Variants in AMOTL1 observed in about 807,000 individuals in gnomAD.
AMOTL1 encodes angiomotin-like protein 1.
AMOTL1 carries 45 observed loss-of-function variants against 102.9 expected under a neutral mutation model. The ratio of observed to expected loss-of-function variants is 0.44; its 90% CI spans 0.34 to 0.56. AMOTL1 has a LOEUF of 0.56. Ranked by LOEUF, AMOTL1 falls within the 20% of genes least tolerant of loss-of-function variation. The pLI, the probability that AMOTL1 is intolerant of heterozygous loss-of-function variation, is 0.01. For missense variants in AMOTL1, 1,114 were observed against 1,225.6 expected (o/e 0.91, Z 1.36); for synonymous variants, 481 against 484.7 (o/e 0.99, Z 0.10).
At chr11:94,826,522 G>A (rs1951966425) in intron 4 of AMOTL1, among the ~76,000 whole-genome samples, 2 of 152,096 alleles carry the variant, frequency 1.3e-5, no homozygotes, top group African/African-American at 2.4e-5. Context: ...TTTACGCTGT[G>A]TCACAACATG....
intron 1 of AMOTL1, among the ~76,000 whole-genome samples, chr11:94,718,060 T>C (rs1156717181): frequency 6.6e-6 from 1 of 152,012 alleles, no homozygotes; most frequent in Non-Finnish European, 1.5e-5. Flanking sequence ...CTATGCTTCA[T>C]ACTCTCAAGC....
At chr11:94,745,516 C>T (rs1035800583) in intron 3 of AMOTL1, among the ~76,000 whole-genome samples, 1 of 152,080 alleles carries the variant, frequency 6.6e-6, no homozygotes, top group African/African-American at 2.4e-5. Flanking sequence ...GTGCTGAGAA[C>T]CAGGGATGAA....
chr11:94,781,945 G>A (rs1301900347), intron 1 of AMOTL1, among the ~76,000 whole-genome samples: 1 of 152,116 alleles, frequency 6.6e-6, no homozygotes, highest in African/African-American at 2.4e-5. Flanking sequence ...CAGATACTCA[G>A]AATAACAAAA....
chr11:94,721,139 C>A (rs186177937), intron 1 of AMOTL1, among the ~76,000 whole-genome samples: 1 of 152,136 alleles, frequency 6.6e-6, no homozygotes, highest in African/African-American at 2.4e-5. Flanking sequence ...GAATAAAATT[C>A]ATTTTCCTTT....
intron 1 of AMOTL1, among the ~76,000 whole-genome samples, chr11:94,792,038 G>A (rs1412279430): frequency 6.6e-6 from 1 of 152,204 alleles, no homozygotes; most frequent in African/African-American, 2.4e-5. Flanking sequence ...TGTCTTTCAA[G>A]TGAGAAAGCT....
intron 1 of AMOTL1, among the ~76,000 whole-genome samples, chr11:94,710,252 C>T (rs1288197065): frequency 6.6e-6 from 1 of 152,124 alleles, no homozygotes; most frequent in African/African-American, 2.4e-5. Flanking sequence ...GTGGAAAGCA[C>T]CTGAAGCCAT....
intron 1 of AMOTL1, among the ~76,000 whole-genome samples, chr11:94,773,343 T>C (rs971566677): frequency 6.6e-6 from 1 of 152,252 alleles, no homozygotes; most frequent in African/African-American, 2.4e-5. Flanking sequence ...AAAAGTTTTA[T>C]AGTTTTACAT....
chr11:94,729,437 T>C lies in AMOTL1; in HGVS notation c.85+382T>C, dbSNP rs529021499. On this transcript the variant is annotated intron_variant, in intron 2 of 4. Coordinates refer to the AMOTL1 transcript ENST00000299004. Reference sequence around the variant, plus strand: ...ACTCTGTTCCTGTTTTGCTCATTTCTCCTCTCAGCAGCCTGTAAACATTCA... The same window carrying C: ...ACTCTGTTCCTGTTTTGCTCATTTCCCCTCTCAGCAGCCTGTAAACATTCA... Among the ~76,000 whole-genome samples the C allele has an allele frequency of 2.6e-5, 4 of 152,338 alleles. No homozygotes were observed. In the East Asian group the frequency reaches 5.8e-4, roughly 22 times the overall value.
intron 2 of AMOTL1, among the ~76,000 whole-genome samples, chr11:94,736,398 C>G (rs1045566153): frequency 2.6e-5 from 4 of 152,148 alleles, no homozygotes; most frequent in South Asian, 4.1e-4. Flanking sequence ...ATTACAGGCA[C>G]CTGCCTCCAC....
chr11:94,707,124 C>A (rs1051433523), intron 1 of AMOTL1, among the ~76,000 whole-genome samples: 1 of 152,050 alleles, frequency 6.6e-6, no homozygotes, highest in Non-Finnish European at 1.5e-5. Context: ...CTTGTTCAAA[C>A]AATGGCTGTG....
intron 3 of AMOTL1, among the ~76,000 whole-genome samples, chr11:94,755,298 T>G (rs1950708163): frequency 6.6e-6 from 1 of 152,274 alleles, no homozygotes; most frequent in African/African-American, 2.4e-5. Flanking sequence ...TTTCTTCCAT[T>G]CTTTCTTTTA....
At chr11:94,808,969 T>TC (rs1951618481) in intron 3 of AMOTL1, among the ~76,000 whole-genome samples, 1 of 81,708 alleles carries the variant, frequency 1.2e-5, no homozygotes, top group South Asian at 4.4e-4. Context: ...TTCTTTCTTT[T>TC]TTTTTTTTTT....
At chr11:94,741,216 G>A (rs1277220531) in intron 3 of AMOTL1, among the ~76,000 whole-genome samples, 1 of 151,854 alleles carries the variant, frequency 6.6e-6, no homozygotes, top group Non-Finnish European at 1.5e-5. Context: ...GTGTGTGTGT[G>A]TGTGCGTGCG....
In AMOTL1 at chr11:94,864,836, G is replaced by A. The variant is rs778805663; in HGVS notation, c.2237G>A (p.Arg746Lys). 1.9e-6 allele frequency: 3 copies of A among 1,613,812 alleles called. No individual in the cohort carries two copies. The highest frequency in any genetic ancestry group is 1.6e-4 in the Middle Eastern group (1 of 6,062). The change falls in exon 10 of 13, where the codon AGA becomes AAA. Residue 746 changes from arginine (R) to lysine (K), a missense_variant. By Grantham distance (26) the Arg-to-Lys change is conservative. Coordinates refer to ENST00000433060, the MANE Select transcript of AMOTL1 (RefSeq NM_130847.3). ...GAGGAGGAGGTGGTGCAGGCCAACA[G>A]AAGGTGTCAGGACATGGAATACACG... ...QEEEEVVQAN[R>K]RCQDMEYTIK...
At chr11:94,827,328 G>T (rs963899423) in intron 4 of AMOTL1, among the ~76,000 whole-genome samples, 5 of 152,216 alleles carry the variant, frequency 3.3e-5, no homozygotes, top group African/African-American at 1.2e-4. Flanking sequence ...CCACTCTCAT[G>T]GTGGATGCCT....
chr11:94,810,393 T>C (rs1343661154), intron 3 of AMOTL1, among the ~76,000 whole-genome samples: 1 of 151,506 alleles, frequency 6.6e-6, no homozygotes, highest in Non-Finnish European at 1.5e-5. Context: ...GCTTTCATAG[T>C]GCACTTTTTT....
At position 94,871,189 on chromosome 11, in the gene AMOTL1, AT is replaced by A. The variant is rs1487796552; in HGVS notation, c.*395del. 1.9e-5 allele frequency: 3 copies of A among 155,624 alleles called. No individual in the cohort carries two copies. Among genetic ancestry groups the A allele is most frequent in the African/African-American group, 7.2e-5 (3 of 41,550 alleles). The allele number at this position is 155,624 out of a possible 1,614,324, so 9.6% of individuals were successfully genotyped here. A position where few individuals can be genotyped will look rare whatever the true frequency, so the allele number is the denominator to read the frequency against. ...ACCCCCATTCTCCTTGCCTCTTAGC[AT>A]GTTTGATTTAAGAAAAGCCTCCAGG... On this transcript the variant is annotated 3_prime_UTR_variant, in exon 13 of 13. Coordinates refer to ENST00000433060, the MANE Select transcript of AMOTL1 (RefSeq NM_130847.3).
chr11:94,764,664 G>T (rs1008601990), upstream of AMOTL1, among the ~76,000 whole-genome samples: 1 of 152,170 alleles, frequency 6.6e-6, no homozygotes, highest in Non-Finnish European at 1.5e-5. Context: ...CATTCTTAGG[G>T]CCCATTCAGT....
intron 6 of AMOTL1, among the ~76,000 whole-genome samples, chr11:94,840,734 A>G (rs1952286227): frequency 6.7e-6 from 1 of 149,784 alleles, no homozygotes; most frequent in Non-Finnish European, 1.5e-5. Flanking sequence ...ATATGTACAC[A>G]CACATATAAT....
Sources: gnomAD v4.1 joint callset for allele counts (sites outside exome capture counted in the v4.1 genomes callset) on GRCh38, gnomAD v4.1.1 for gene constraint, MANE v1.5 for transcripts, NCBI Gene and HGNC (gene_info 2026-07-23, HGNC 2026-07-21) for gene names.